Variants in SIK2 observed in about 807,000 individuals in gnomAD.
The protein encoded by SIK2 is serine/threonine-protein kinase SIK2.
In SIK2, 29 loss-of-function variants were observed where a neutral mutation model predicts 103.2. That is an observed-to-expected ratio of 0.28 (90% CI 0.21 to 0.38). The LOEUF is 0.38. SIK2 is among the 10% of genes least tolerant of loss of function. The pLI, the probability that SIK2 is intolerant of heterozygous loss-of-function variation, is 1.00. For missense variants in SIK2, 879 were observed against 1,171.0 expected (o/e 0.75, Z 3.64); for synonymous variants, 412 against 446.1 (o/e 0.92, Z 0.96).
At chr11:111,612,944 A>ATATATATATATATT (rs1184940281) in intron 1 of SIK2, among the ~76,000 whole-genome samples, 3 of 147,684 alleles carry the variant, frequency 2.0e-5, no homozygotes, top group Non-Finnish European at 4.5e-5. Flanking sequence ...ATATATATAT[A>ATATATATATATATT]TATTTATGAT....
intron 4 of SIK2, among the ~76,000 whole-genome samples, chr11:111,691,539 C>T (rs1942942628): frequency 6.6e-6 from 1 of 152,202 alleles, no homozygotes. Context: ...TCTCCCACTA[C>T]ACCATTTTGT....
At chr11:111,697,780 G>A (rs535961907) in intron 4 of SIK2, among the ~76,000 whole-genome samples, 62 of 151,986 alleles carry the variant, frequency 4.1e-4, no homozygotes, top group African/African-American at 1.4e-3. Flanking sequence ...CACTTGAGCC[G>A]AGGAGTTTAA....
chr11:111,668,708 T>C (rs73017062), intron 3 of SIK2, among the ~76,000 whole-genome samples: 4 of 152,214 alleles, frequency 2.6e-5, no homozygotes, highest in African/African-American at 7.2e-5. Flanking sequence ...GAACTGTTTC[T>C]AAAGATTGCT....
chr11:111,619,881 C>T (rs1379690883), intron 2 of SIK2, among the ~76,000 whole-genome samples: 5 of 152,166 alleles, frequency 3.3e-5, no homozygotes, highest in Non-Finnish European at 4.4e-5. Context: ...AACTAAAGTA[C>T]TCTATTTTTT....
chr11:111,644,734 C>T (rs1942232590), intron 3 of SIK2, among the ~76,000 whole-genome samples: 3 of 152,190 alleles, frequency 2.0e-5, no homozygotes, highest in African/African-American at 7.2e-5. Context: ...AACTAACACA[C>T]TTAAAAGCTC....
intron 4 of SIK2, among the ~76,000 whole-genome samples, chr11:111,697,952 A>G (rs1224902299): frequency 6.6e-6 from 1 of 152,198 alleles, no homozygotes; most frequent in African/African-American, 2.4e-5. Context: ...GAAGGCTACA[A>G]TGAGCTGTGA....
Position 111,705,147 on chromosome 11 carries a change from C to A in SIK2, c.1101+8C>A. ...GAGCAAACAGTTGCCAAGGTAATGC[C>A]CCCTTAGCTGAGAGTCTTATCTGTG... On this transcript the variant is annotated splice_region_variant and intron_variant, in intron 8 of 14. Coordinates refer to ENST00000304987, the MANE Select transcript of SIK2 (RefSeq NM_015191.3). The surrounding 1 kb of genome is among the most constrained non-coding windows in gnomAD (Gnocchi z 4.3). 6.4e-7 allele frequency: 1 copy of A among 1,553,984 alleles called. No individual in the cohort carries two copies. Among genetic ancestry groups the A allele is most frequent in the Admixed American group, 2.3e-5 (1 of 43,992 alleles).
intron 9 of SIK2, among the ~76,000 whole-genome samples, chr11:111,713,182 A>G (rs1359189266): frequency 7.3e-6 from 1 of 136,848 alleles, no homozygotes; most frequent in African/African-American, 2.5e-5. Flanking sequence ...TAATAAATTA[A>G]TAAAAATAAA....
chr11:111,690,444 T>A (rs759749526), intron 4 of SIK2, among the ~76,000 whole-genome samples: 47 of 151,874 alleles, frequency 3.1e-4, no homozygotes, highest in Admixed American at 9.8e-4. Context: ...TTTTTTATTT[T>A]TTATTATTAT....
chr11:111,693,786 A>G (rs752108784), intron 4 of SIK2, among the ~76,000 whole-genome samples: 3 of 152,180 alleles, frequency 2.0e-5, no homozygotes, highest in Non-Finnish European at 4.4e-5. Flanking sequence ...CATATCTATT[A>G]AATACAAATC....
intron 4 of SIK2, among the ~76,000 whole-genome samples, chr11:111,700,381 A>G (rs1712911920): frequency 6.6e-6 from 1 of 151,964 alleles, no homozygotes; most frequent in South Asian, 2.1e-4. Flanking sequence ...CAACACTTAG[A>G]GGGTTGTTAC....
intron 7 of SIK2, among the ~76,000 whole-genome samples, chr11:111,704,045 A>G (rs915754794): frequency 6.6e-6 from 1 of 152,238 alleles, no homozygotes; most frequent in Non-Finnish European, 1.5e-5. Context: ...TTCAGGAAGA[A>G]ACATAACAAG....
chr11:111,671,347 A>G, intron 3 of SIK2: 1 of 234,654 alleles, frequency 4.3e-6, no homozygotes, highest in South Asian at 6.2e-5. Context: ...CAGCTCCACC[A>G]GCTTGGCATT....
chr11:111,628,803 G>T (rs1941999851), intron 3 of SIK2, among the ~76,000 whole-genome samples: 1 of 151,964 alleles, frequency 6.6e-6, no homozygotes, highest in South Asian at 2.1e-4. Context: ...GGTATTTCTG[G>T]ATTTTTTTTT....
chr11:111,728,180 T>G lies in SIK2; in HGVS notation c.*4051T>G, dbSNP rs1944038508. 1 of 152,158 alleles carries G rather than the reference T, an allele frequency of 6.6e-6. No homozygotes were observed. The highest frequency in any genetic ancestry group is 1.5e-5 in the Non-Finnish European group (1 of 68,046). 9.4% of individuals were successfully genotyped at this position (152,158 alleles called of 1,614,324 possible). A position where few individuals can be genotyped will look rare whatever the true frequency, so the allele number is the denominator to read the frequency against. On this transcript the variant is annotated 3_prime_UTR_variant, in exon 15 of 15. Transcript: ENST00000304987. Reference sequence around the variant, plus strand: ...GGGAAGCCACCCGAGCCACTCGGTCTCTTTGTGCCTAAACATGAAAGGTGA... The same window carrying G: ...GGGAAGCCACCCGAGCCACTCGGTCGCTTTGTGCCTAAACATGAAAGGTGA...
chr11:111,620,464 G>T (rs775068410), intron 3 of SIK2, 62 bp downstream of exon 3: 1 of 1,029,878 alleles, frequency 9.7e-7, no homozygotes, highest in South Asian at 1.5e-5. Flanking sequence ...CATGAATGGG[G>T]TATTTTCTGT....
chr11:111,639,926 A>G (rs1442984956), intron 3 of SIK2, among the ~76,000 whole-genome samples: 2 of 152,158 alleles, frequency 1.3e-5, no homozygotes, highest in African/African-American at 4.8e-5. Flanking sequence ...CCCTGTCTCT[A>G]AGATTTAAGA....
At chr11:111,673,816 T>C (rs1446232525) in intron 3 of SIK2, among the ~76,000 whole-genome samples, 1 of 152,206 alleles carries the variant, frequency 6.6e-6, no homozygotes, top group Non-Finnish European at 1.5e-5. Flanking sequence ...GGTTCACACC[T>C]GTAATCCTAG....
At chr11:111,653,784 G>C (rs924701523) in intron 3 of SIK2, among the ~76,000 whole-genome samples, 1 of 152,204 alleles carries the variant, frequency 6.6e-6, no homozygotes, top group African/African-American at 2.4e-5. Flanking sequence ...CATAATTTTA[G>C]GATTGCCCTG....
Sources: allele counts gnomAD v4.1 joint callset (sites outside exome capture counted in the v4.1 genomes callset), GRCh38; gene constraint gnomAD v4.1.1; non-coding constraint Gnocchi (gnomAD v3.1); transcripts MANE v1.5; gene names NCBI Gene and HGNC (gene_info 2026-07-23, HGNC 2026-07-21).